The following RRP7A variants were observed in gnomAD, a reference collection of about 807,000 sequenced individuals.
The protein encoded by RRP7A is ribosomal RNA-processing protein 7 homolog A.
In RRP7A, 27 loss-of-function variants were observed where a neutral mutation model predicts 38.4. The ratio of observed to expected loss-of-function variants is 0.70; its 90% CI spans 0.52 to 0.97. RRP7A has a LOEUF of 0.97. Among genes scored for constraint, RRP7A ranks in the 50% least tolerant of loss-of-function variants. RRP7A has a pLI of 0.00. For synonymous variants in RRP7A, 124 were observed against 150.3 expected, an observed-to-expected ratio of 0.83 and a Z score of 1.28; for missense variants, 327 against 375.4, an observed-to-expected ratio of 0.87 and a Z score of 1.07.
At chr22:42,514,458 C>T (rs979212437) in intron 5 of RRP7A, among the ~76,000 whole-genome samples, 154 bp from the exon 6 acceptor site, 1 of 152,074 alleles carries the variant, frequency 6.6e-6, no homozygotes, top group Admixed American at 6.5e-5. Flanking sequence ...CTAAGGATGG[C>T]GGGGAGGGCA....
In RRP7A at chr22:42,512,445, T is replaced by A. The variant is rs1932496866; in HGVS notation, c.*465A>T. On this transcript the variant is annotated 3_prime_UTR_variant, in exon 7 of 7. Transcript: ENST00000323013. ...GGAGACAGAGTCTGGGTTCCAGGGC[T>A]GCTGTCTCCTGGCTAATAATCTCCA... 6.6e-6 allele frequency: 4 copies of A among 603,696 alleles called. No individual in the cohort carries two copies. In the South Asian group the frequency reaches 8.0e-5, roughly 12 times the overall value. 37.4% of individuals were successfully genotyped at this position (603,696 alleles called of 1,614,324 possible).
In RRP7A at chr22:42,510,837, C is replaced by G. The variant is rs1316572972; in HGVS notation, c.*2073G>C. 2 of 1,195,356 alleles carry G rather than the reference C, an allele frequency of 1.7e-6. No individual in the cohort carries two copies. The highest frequency in any genetic ancestry group is 2.1e-6 in the Non-Finnish European group (2 of 946,588). The allele number at this position is 1,195,356 out of a possible 1,614,324, so 74.0% of individuals were successfully genotyped here. On this transcript the variant is annotated 3_prime_UTR_variant, in exon 7 of 7. Transcript: ENST00000323013. ...ACCCCTGGTCTGCCCCCAGGCCCAA[C>G]AAGTGACCACCAGGATCTATCAGGC... is the stretch of plus-strand genomic sequence containing the variant.
intron 2 of RRP7A, 95 bp downstream of exon 2, chr22:42,517,910 T>C (rs1381684127): frequency 7.0e-7 from 1 of 1,418,540 alleles, no homozygotes; most frequent in Non-Finnish European, 9.7e-7. Flanking sequence ...GGGCTCCCAT[T>C]AGCTGTGTCC....
At chr22:42,513,049 T>G (rs2146619269) in intron 6 of RRP7A, 54 bp from the exon 7 acceptor site, 1 of 1,495,578 alleles carries the variant, frequency 6.7e-7, no homozygotes, top group African/African-American at 1.4e-5. Flanking sequence ...CCGGGGAAGC[T>G]GGCTTGCTCA....
rs1448834663 is a variant in RRP7A, at chr22:42,508,451, A to C, written c.*4459T>G. 7.2e-5 allele frequency among the ~76,000 whole-genome samples: 11 copies of C among 152,062 alleles called. No individual in the cohort carries two copies. In the South Asian group the frequency reaches 2.1e-3, roughly 29 times the overall value. ...TGTTTTCCAAATCCAGCTTCGTGTCACACCTACAGCACATCTCACTCAAGC... is the reference window on the plus strand; with the variant it reads ...TGTTTTCCAAATCCAGCTTCGTGTCCCACCTACAGCACATCTCACTCAAGC... On this transcript the variant is annotated 3_prime_UTR_variant, in exon 7 of 7. Coordinates refer to ENST00000323013, the MANE Select transcript of RRP7A (RefSeq NM_015703.5).
At position 42,510,771 on chromosome 22, in the gene RRP7A, C is replaced by G. The variant is rs1932433746; in HGVS notation, c.*2139G>C. ...TGGTGTCCAGCCACTGTCGCCCACT[C>G]TGGTCCCACCTCACCCATCTCTTCT... On this transcript the variant is annotated 3_prime_UTR_variant, in exon 7 of 7. Coordinates refer to ENST00000323013, the MANE Select transcript of RRP7A (RefSeq NM_015703.5). 2.1e-6 allele frequency: 3 copies of G among 1,436,048 alleles called. No individual in the cohort carries two copies. Among genetic ancestry groups the G allele is most frequent in the Non-Finnish European group, 2.8e-6 (3 of 1,081,200 alleles). The allele number at this position is 1,436,048 out of a possible 1,614,324, so 89.0% of individuals were successfully genotyped here.
In RRP7A at chr22:42,512,186, T is replaced by G. The variant is rs1243175765; in HGVS notation, c.*724A>C. 15 of 1,609,894 alleles carry G rather than the reference T, an allele frequency of 9.3e-6. No individual in the cohort carries two copies. In the African/African-American group the frequency reaches 1.9e-4, roughly 20 times the overall value. Reference sequence around the variant, plus strand: ...TGAGCGAACCCCAGCACGTGGCCAGTATCATCAGCTCCTTCTTACAGTGCA... The same window carrying G: ...TGAGCGAACCCCAGCACGTGGCCAGGATCATCAGCTCCTTCTTACAGTGCA... On this transcript the variant is annotated 3_prime_UTR_variant, in exon 7 of 7. Coordinates refer to ENST00000323013, the MANE Select transcript of RRP7A (RefSeq NM_015703.5).
chr22:42,516,555 C>T (rs372054185), intron 2 of RRP7A: 25 of 350,640 alleles, frequency 7.1e-5, no homozygotes, highest in African/African-American at 4.3e-4. Flanking sequence ...TCAGGTGATC[C>T]GCCCGCCTCG....
rs1920924317 is a variant in RRP7A, at chr22:42,514,209, A to G, written c.654T>C (p.Thr218=). ...CCAGCACCCGCAAGCTGGCTGCCTCAGTCCGGGGGAGCACAGGCCGCCGGC... is the reference window on the plus strand; with the variant it reads ...CCAGCACCCGCAAGCTGGCTGCCTCGGTCCGGGGGAGCACAGGCCGCCGGC... The part of the protein sequence containing the change: ...RRGRRPVLPR[T]EAASLRVLER... The change falls in exon 6 of 7, where the codon ACT becomes ACC. Residue 218 remains threonine (T), a synonymous_variant. Coordinates refer to ENST00000323013, the MANE Select transcript of RRP7A (RefSeq NM_015703.5). 1.2e-6 allele frequency: 2 copies of G among 1,611,046 alleles called. No homozygotes were observed. Among genetic ancestry groups the G allele is most frequent in the Non-Finnish European group, 8.5e-7 (1 of 1,179,222 alleles).
chr22:42,518,571 G>A (rs1212513869), intron 1 of RRP7A: 3 of 456,868 alleles, frequency 6.6e-6, no homozygotes, highest in Non-Finnish European at 1.4e-5. Flanking sequence ...CACACATGCT[G>A]GCCTCTCTAC....
chr22:42,516,197 G>T, intron 2 of RRP7A, 61 bp from the exon 3 acceptor site: 1 of 1,599,700 alleles, frequency 6.3e-7, no homozygotes. Flanking sequence ...AAGCCTCCCT[G>T]CACCATGGGT....
chr22:42,512,733 G>T lies in RRP7A; in HGVS notation c.*177C>A, dbSNP rs1356593114. On this transcript the variant is annotated 3_prime_UTR_variant, in exon 7 of 7. Transcript: ENST00000323013. ...CCAGGACTGCTGAAGCACAAGACCCGAGGGGTGGCCTGGTCCTTCCCTCCT... is the reference window on the plus strand; with the variant it reads ...CCAGGACTGCTGAAGCACAAGACCCTAGGGGTGGCCTGGTCCTTCCCTCCT... The T allele has an allele frequency of 1.5e-6, 1 of 682,768 alleles. No individual in the cohort carries two copies. Among genetic ancestry groups the T allele is most frequent in the South Asian group, 1.7e-5 (1 of 57,928 alleles). 42.3% of individuals were successfully genotyped at this position (682,768 alleles called of 1,614,324 possible). A position where few individuals can be genotyped will look rare whatever the true frequency, so the allele number is the denominator to read the frequency against.
Position 42,509,850 on chromosome 22 carries a change from G to GGTGTGCGTGTGT in RRP7A, c.*3059_*3060insACACACGCACAC, listed in dbSNP as rs1932394826. On this transcript the variant is annotated 3_prime_UTR_variant, in exon 7 of 7. Transcript: ENST00000323013. ...AAGCCTGTTGGGGGTGGGGGGGTGG[G>GGTGTGCGTGTGT]GTGTGTGTGTGTGTGTGTAAGCTCA... 1 of 56,864 alleles carries GGTGTGCGTGTGT rather than the reference G, an allele frequency of 1.8e-5. No homozygotes were observed. Among genetic ancestry groups the GGTGTGCGTGTGT allele is most frequent in the Non-Finnish European group, 3.4e-5 (1 of 29,032 alleles). The allele number at this position is 56,864 out of a possible 1,614,324, so 3.5% of individuals were successfully genotyped here.
intron 3 of RRP7A, among the ~76,000 whole-genome samples, 196 bp from the exon 4 acceptor site, chr22:42,515,464 G>C (rs1045862948): frequency 2.6e-5 from 4 of 152,232 alleles, no homozygotes; most frequent in African/African-American, 9.6e-5. Context: ...CTGCTTCTGC[G>C]GGAAGTGACG....
intron 3 of RRP7A, among the ~76,000 whole-genome samples, chr22:42,515,534 G>A (rs1361219776): frequency 1.3e-5 from 2 of 152,210 alleles, no homozygotes; most frequent in African/African-American, 2.4e-5. Flanking sequence ...TTCCAGTCAC[G>A]GGAGGGATGC....
At position 42,510,897 on chromosome 22, in the gene RRP7A, G is replaced by A; in HGVS notation, c.*2013C>T. 1 of 674,318 alleles carries A rather than the reference G, an allele frequency of 1.5e-6. No individual in the cohort carries two copies. Among genetic ancestry groups the A allele is most frequent in the Non-Finnish European group, 1.9e-6 (1 of 513,050 alleles). 41.8% of individuals were successfully genotyped at this position (674,318 alleles called of 1,614,324 possible). A position where few individuals can be genotyped will look rare whatever the true frequency, so the allele number is the denominator to read the frequency against. On this transcript the variant is annotated 3_prime_UTR_variant, in exon 7 of 7. Coordinates refer to ENST00000323013, the MANE Select transcript of RRP7A (RefSeq NM_015703.5). ...CAGTGATCAGTCCCTAGAGGCCTGGGGACACATGTAATCAGAATTTAAGAA... is the reference window on the plus strand; with the variant it reads ...CAGTGATCAGTCCCTAGAGGCCTGGAGACACATGTAATCAGAATTTAAGAA...
Position 42,509,176 on chromosome 22 carries a change from G to A in RRP7A, c.*3734C>T. The stretch of plus-strand genomic sequence containing the variant: ...ACATGGGCGCCAGGAATCTCTGGGA[G>A]GGGGCCCTGGCATGAGGCTCCAAGT... On this transcript the variant is annotated 3_prime_UTR_variant, in exon 7 of 7. Coordinates refer to ENST00000323013, the MANE Select transcript of RRP7A (RefSeq NM_015703.5). The A allele has an allele frequency of 6.2e-7, 1 of 1,606,926 alleles. No individual in the cohort carries two copies. Among genetic ancestry groups the A allele is most frequent in the South Asian group, 1.1e-5 (1 of 90,538 alleles).
At chr22:42,519,231 G>A (rs1233459369) in intron 1 of RRP7A, among the ~76,000 whole-genome samples, 1 of 150,254 alleles carries the variant, frequency 6.7e-6, no homozygotes, top group Non-Finnish European at 1.5e-5. Flanking sequence ...CCTATCGTGG[G>A]CGCGGCAGAC....
chr22:42,509,850 G>GGGGGGTGTGTGTGTGTGTGTGT lies in RRP7A; in HGVS notation c.*3059_*3060insACACACACACACACACACCCCC, dbSNP rs1555985853. ...AAGCCTGTTGGGGGTGGGGGGGTGG[G>GGGGGGTGTGTGTGTGTGTGTGT]GTGTGTGTGTGTGTGTGTAAGCTCA... On this transcript the variant is annotated 3_prime_UTR_variant, in exon 7 of 7. Coordinates refer to ENST00000323013, the MANE Select transcript of RRP7A (RefSeq NM_015703.5). The GGGGGGTGTGTGTGTGTGTGTGT allele has an allele frequency of 1.8e-5, 1 of 56,864 alleles. No individual in the cohort carries two copies. Among genetic ancestry groups the GGGGGGTGTGTGTGTGTGTGTGT allele is most frequent in the African/African-American group, 6.9e-5 (1 of 14,558 alleles). 3.5% of individuals were successfully genotyped at this position (56,864 alleles called of 1,614,324 possible). A position where few individuals can be genotyped will look rare whatever the true frequency, so the allele number is the denominator to read the frequency against.
Sources: allele counts gnomAD v4.1 joint callset (sites outside exome capture counted in the v4.1 genomes callset), GRCh38; gene constraint gnomAD v4.1.1; transcripts MANE v1.5; gene names NCBI Gene and HGNC (gene_info 2026-07-23, HGNC 2026-07-21).